Variants in AQR observed in about 807,000 individuals in gnomAD.
AQR encodes RNA helicase aquarius.
A neutral mutation model predicts 180.5 loss-of-function variants in AQR; 61 were observed. That is an observed-to-expected ratio of 0.34 (90% confidence interval 0.28 to 0.42). The LOEUF (loss-of-function observed/expected upper bound fraction) is 0.42, where lower values mean the gene tolerates loss of function less well. Ranked by LOEUF, AQR falls within the 10% of genes least tolerant of loss-of-function variation. AQR has a pLI of 1.00. For missense variants in AQR, 1,281 were observed against 1,798.3 expected, an observed-to-expected ratio of 0.71 and a Z score of 5.20; for synonymous variants, 551 against 588.8, an observed-to-expected ratio of 0.94 and a Z score of 0.93.
intron 12 of AQR, among the ~76,000 whole-genome samples, chr15:34,928,239 C>CT (rs1893794717): frequency 6.7e-6 from 1 of 149,740 alleles, no homozygotes; most frequent in Admixed American, 6.6e-5. Flanking sequence ...ATTTTTTCTT[C>CT]TAAAAAAAAT....
intron 15 of AQR, among the ~76,000 whole-genome samples, chr15:34,915,628 G>C (rs1333687840): frequency 1.3e-5 from 2 of 151,858 alleles, no homozygotes; most frequent in Admixed American, 6.6e-5. Flanking sequence ...GTTAAAACCA[G>C]ATTAATAAAT....
At chr15:34,876,390 G>C (rs575027980) in intron 27 of AQR, among the ~76,000 whole-genome samples, 5 of 152,030 alleles carry the variant, frequency 3.3e-5, no homozygotes, top group African/African-American at 1.2e-4. Flanking sequence ...TCTTACTCTG[G>C]TAGCATTTTG....
intron 5 of AQR, among the ~76,000 whole-genome samples, chr15:34,946,938 C>T (rs1366140219): frequency 2.0e-5 from 3 of 151,474 alleles, no homozygotes; most frequent in Non-Finnish European, 4.4e-5. Context: ...AGGTGAGGGG[C>T]GCCTCTGCCC....
chr15:34,884,853 A>G (rs117556337), intron 25 of AQR, 119 bp from the exon 26 acceptor site: 9 of 750,736 alleles, frequency 1.2e-5, no homozygotes, highest in Middle Eastern at 3.8e-4. Context: ...AAGAAATTCA[A>G]TCTTTGATCC....
At position 34,870,782 on chromosome 15, in the gene AQR, T is replaced by G. The variant is rs975328976; in HGVS notation, c.3738A>C (p.Gly1246=). 2.5e-6 allele frequency: 4 copies of G among 1,612,642 alleles called. No homozygotes were observed. In the Admixed American group the frequency reaches 5.0e-5, roughly 20 times the overall value. Reference sequence around the variant, plus strand: ...TTGGTCTTCCAATCAATGGATTGTTTCCACATCGTCTATTGATGATGTCGC... The same window carrying G: ...TTGGTCTTCCAATCAATGGATTGTTGCCACATCGTCTATTGATGATGTCGC... ...LIRDIINRRC[G]NNPLIGRPNK... The change falls in exon 31 of 35, where the codon GGA becomes GGC. Residue 1246 remains glycine, a synonymous_variant. Transcript: ENST00000156471.
At chr15:34,865,380 G>T (rs1382349836) in intron 32 of AQR, among the ~76,000 whole-genome samples, 1 of 152,086 alleles carries the variant, frequency 6.6e-6, no homozygotes, top group Non-Finnish European at 1.5e-5. Context: ...GCTCCACATT[G>T]TCCTAAAACA....
chr15:34,905,329 C>G (rs1367884624), intron 18 of AQR, among the ~76,000 whole-genome samples: 1 of 151,926 alleles, frequency 6.6e-6, no homozygotes, highest in Non-Finnish European at 1.5e-5. Flanking sequence ...AAGCACTAGA[C>G]ATGTATGCAG....
At chr15:34,958,866 CAG>C (rs1416613094) in intron 3 of AQR, among the ~76,000 whole-genome samples, 1 of 152,180 alleles carries the variant, frequency 6.6e-6, no homozygotes, top group Non-Finnish European at 1.5e-5. Flanking sequence ...GTCCTACTTT[CAG>C]AGAGAATTTG....
Position 34,896,901 on chromosome 15 carries a change from G to A in AQR, c.2456C>T (p.Thr819Ile). The A allele has an allele frequency of 6.2e-7, 1 of 1,610,184 alleles. No individual in the cohort carries two copies. Among genetic ancestry groups the A allele is most frequent in the Non-Finnish European group, 8.5e-7 (1 of 1,176,398 alleles). The change falls in exon 22 of 35, where the codon ACT becomes ATT. Residue 819 changes from threonine (T) to isoleucine (I), a missense_variant. Physicochemically the swap from Thr to Ile is moderately conservative, Grantham distance 89. This residue lies in a region of AQR where 112 missense variants were observed against 128.6 expected (regional missense o/e 0.87). Transcript: ENST00000156471. ...CAGGTGTAACAATTCTCTTACCATA[G>A]TCAGCCCAGGCTGCATTCCAGCACG... ...AIRAGMQPGLTMVVGPPGTGK... is the reference protein window; with the variant it reads ...AIRAGMQPGLIMVVGPPGTGK...
intron 15 of AQR, 80 bp downstream of exon 15, chr15:34,918,178 A>G: frequency 6.8e-7 from 1 of 1,470,942 alleles, no homozygotes; most frequent in South Asian, 1.3e-5. Context: ...ACTCAAGTAC[A>G]CTGCCTATAA....
intron 20 of AQR, among the ~76,000 whole-genome samples, chr15:34,898,239 C>CAGAG: frequency 6.6e-6 from 1 of 152,238 alleles, no homozygotes; most frequent in South Asian, 2.1e-4. Context: ...GCTTTTAAGG[C>CAGAG]AGAGGGTCAT....
chr15:34,957,345 C>G (rs1179492228), intron 3 of AQR, among the ~76,000 whole-genome samples: 3 of 151,644 alleles, frequency 2.0e-5, no homozygotes, highest in Non-Finnish European at 4.4e-5. Flanking sequence ...TTAGTAGAGA[C>G]GGGGTTTCAC....
In AQR at chr15:34,938,851, G is replaced by A. The variant is rs778643329; in HGVS notation, c.642-38C>T. 3.5e-6 allele frequency: 5 copies of A among 1,412,198 alleles called. No individual in the cohort carries two copies. The African/African-American group carries it at 5.7e-5, about 16-fold the overall frequency. 87.5% of individuals were successfully genotyped at this position (1,412,198 alleles called of 1,614,324 possible). On this transcript the variant is annotated intron_variant, in intron 8 of 34. Transcript: ENST00000156471. Reference sequence around the variant, plus strand: ...AGAACATTGACCAATTATTTTTGAAGAATAGTCATTTCAAAAGTAAACTTT... The same window carrying A: ...AGAACATTGACCAATTATTTTTGAAAAATAGTCATTTCAAAAGTAAACTTT...
At chr15:34,875,393 C>T (rs1892876481) in intron 28 of AQR, among the ~76,000 whole-genome samples, 1 of 152,168 alleles carries the variant, frequency 6.6e-6, no homozygotes, top group Non-Finnish European at 1.5e-5. Context: ...AGTAGCTTCA[C>T]TTATAAAAAC....
At chr15:34,890,358 T>C (rs750973230) in intron 23 of AQR, 34 bp from the exon 24 acceptor site, 1 of 1,562,698 alleles carries the variant, frequency 6.4e-7, no homozygotes. Flanking sequence ...GACGGCACCT[T>C]TAAACGTAGC....
At chr15:34,967,669 G>A (rs1331035113) in intron 1 of AQR, among the ~76,000 whole-genome samples, 2 of 152,258 alleles carry the variant, frequency 1.3e-5, no homozygotes, top group African/African-American at 4.8e-5. Context: ...TCAAATAAAC[G>A]AAGTTCTGTA....
chr15:34,956,314 T>C (rs1372901037), intron 3 of AQR, among the ~76,000 whole-genome samples: 4 of 142,738 alleles, frequency 2.8e-5, no homozygotes, highest in Non-Finnish European at 6.2e-5. Flanking sequence ...CGGAGTGTAC[T>C]AGTTAAGAGG....
chr15:34,876,144 C>A, intron 27 of AQR, 138 bp from the exon 28 acceptor site: 1 of 622,066 alleles, frequency 1.6e-6, no homozygotes, highest in Middle Eastern at 4.5e-4. Context: ...AAAATAACAA[C>A]ATACACATTA....
chr15:34,867,824 A>G, intron 31 of AQR: 1 of 416,694 alleles, frequency 2.4e-6, no homozygotes, highest in Non-Finnish European at 4.2e-6. Flanking sequence ...TAACACTTAC[A>G]GCACTTGTCT....
Sources: gnomAD v4.1 joint callset for allele counts (sites outside exome capture counted in the v4.1 genomes callset) on GRCh38, gnomAD v4.1.1 for gene constraint, gnomAD v4.1.1 regional missense constraint, MANE v1.5 for transcripts, NCBI Gene and HGNC (gene_info 2026-07-23, HGNC 2026-07-21) for gene names.